The following GABRA2 variants were observed in gnomAD, a reference collection of about 807,000 sequenced individuals.
The protein encoded by GABRA2 is gamma-aminobutyric acid receptor subunit alpha-2.
GABRA2 carries 16 observed loss-of-function variants against 48.7 expected under a neutral mutation model. That is an observed-to-expected ratio of 0.33 (90% confidence interval 0.22 to 0.50). The LOEUF is 0.50. Ranked by LOEUF, GABRA2 falls within the 20% of genes least tolerant of loss-of-function variation. The pLI is 0.98. For synonymous variants in GABRA2, 185 were observed against 184.5 expected, an observed-to-expected ratio of 1.00 and a Z score of -0.02; for missense variants, 275 against 535.6, an observed-to-expected ratio of 0.51 and a Z score of 4.80.
At chr4:46,283,339 G>A (rs1721895002) in intron 8 of GABRA2, among the ~76,000 whole-genome samples, 1 of 152,026 alleles carries the variant, frequency 6.6e-6, no homozygotes, top group South Asian at 2.1e-4. Context: ...AGTATCAACA[G>A]CCATTGTAAC....
At position 46,312,681 on chromosome 4, in the gene GABRA2, C is replaced by T; in HGVS notation, c.291G>A (p.Trp97Ter). The T allele has an allele frequency of 6.6e-7, 1 of 1,518,824 alleles. No homozygotes were observed. Among genetic ancestry groups the T allele is most frequent in the Non-Finnish European group, 8.8e-7 (1 of 1,138,846 alleles). The allele number at this position is 1,518,824 out of a possible 1,614,324, so 94.1% of individuals were successfully genotyped here. The stretch of plus-strand genomic sequence containing the variant: ...CTTTAAATTTTAAACGTTCATCTTT[C>T]CATTTTTGTCGAAAGAAAACATCAA... ...YTIDVFFRQK[W>*]KDERLKFKGP... The change falls in exon 5 of 10, where the codon TGG (tryptophan) becomes TGA (stop). Residue 97 changes from tryptophan (W) to a stop codon, truncating the protein, a stop_gained. Transcript: ENST00000381620. LOFTEE classifies it high-confidence loss of function.
intron 3 of GABRA2, among the ~76,000 whole-genome samples, chr4:46,350,491 G>A (rs10805144): frequency 0.62 from 94,268 of 151,344 alleles, 30,061 homozygotes; most frequent in African/African-American, 0.76. Flanking sequence ...ACATATATTT[G>A]TATATATATA....
intron 3 of GABRA2, among the ~76,000 whole-genome samples, chr4:46,375,265 T>C (rs1715520665): frequency 6.6e-6 from 1 of 152,198 alleles, no homozygotes; most frequent in Non-Finnish European, 1.5e-5. Context: ...TATAATACCT[T>C]ATTTGTAAAT....
At position 46,323,587 on chromosome 4, in the gene GABRA2, C is replaced by T. The variant is rs1173984453; in HGVS notation, c.255+9028G>A. Among the ~76,000 whole-genome samples the T allele has an allele frequency of 2.0e-5, 3 of 151,886 alleles. No homozygotes were observed. The East Asian group carries it at 5.8e-4, about 30-fold the overall frequency. On this transcript the variant is annotated intron_variant, in intron 4 of 9. Coordinates refer to ENST00000381620, the MANE Select transcript of GABRA2 (RefSeq NM_000807.4). Reference sequence around the variant, plus strand: ...AGGGCTACACTTACTTATTTCAGTTCCTAACAGGGTGAGAAGCACTGAGTG... The same window carrying T: ...AGGGCTACACTTACTTATTTCAGTTTCTAACAGGGTGAGAAGCACTGAGTG...
chr4:46,279,214 A>G (rs1039133784), intron 8 of GABRA2, among the ~76,000 whole-genome samples: 2 of 152,100 alleles, frequency 1.3e-5, no homozygotes, highest in African/African-American at 2.4e-5. Context: ...CTGATTTCCT[A>G]TGGCTAACTA....
chr4:46,344,182 G>T (rs1478721979), intron 3 of GABRA2, among the ~76,000 whole-genome samples: 4 of 151,912 alleles, frequency 2.6e-5, no homozygotes, highest in African/African-American at 7.2e-5. Flanking sequence ...AGGAAATTAG[G>T]CTAGAAAATA....
At chr4:46,251,435 A>T (rs1248312188) in intron 9 of GABRA2, among the ~76,000 whole-genome samples, 2 of 151,404 alleles carry the variant, frequency 1.3e-5, no homozygotes, top group African/African-American at 4.8e-5. Context: ...CTCATTACTT[A>T]CTGGCTCCCC....
chr4:46,274,010 G>C (rs911618523), intron 8 of GABRA2, among the ~76,000 whole-genome samples: 8 of 152,042 alleles, frequency 5.3e-5, no homozygotes, highest in Admixed American at 5.2e-4. Context: ...ATAGCTATAA[G>C]CGGGGGGGCA....
chr4:46,337,143 A>G (rs1256355696), intron 3 of GABRA2, among the ~76,000 whole-genome samples: 1 of 152,098 alleles, frequency 6.6e-6, no homozygotes, highest in African/African-American at 2.4e-5. Context: ...AACATAATAG[A>G]AAAAAAGCAT....
At chr4:46,268,926 A>G (rs773266769) in intron 8 of GABRA2, among the ~76,000 whole-genome samples, 1 of 151,932 alleles carries the variant, frequency 6.6e-6, no homozygotes, top group Non-Finnish European at 1.5e-5. Context: ...GCTGAGTTAA[A>G]TAAGTCAAAC....
At chr4:46,317,619 A>G (rs943079466) in intron 4 of GABRA2, among the ~76,000 whole-genome samples, 2 of 151,744 alleles carry the variant, frequency 1.3e-5, no homozygotes, top group African/African-American at 4.8e-5. Context: ...GCTCTAATGA[A>G]AATAGGCAAT....
At chr4:46,350,473 T>C (rs1010775303) in intron 3 of GABRA2, among the ~76,000 whole-genome samples, 1 of 151,844 alleles carries the variant, frequency 6.6e-6, no homozygotes, top group African/African-American at 2.4e-5. Flanking sequence ...TTCTATATCA[T>C]ACATCATACA....
At chr4:46,329,934 G>A (rs956954577) in intron 4 of GABRA2, among the ~76,000 whole-genome samples, 1 of 152,148 alleles carries the variant, frequency 6.6e-6, no homozygotes, top group Non-Finnish European at 1.5e-5. Flanking sequence ...TAAGGGAAAT[G>A]TATTATTAGG....
chr4:46,272,585 C>T (rs1577852099), intron 8 of GABRA2, among the ~76,000 whole-genome samples: 1 of 151,924 alleles, frequency 6.6e-6, no homozygotes, highest in Non-Finnish European at 1.5e-5. Context: ...TTTAAGATGA[C>T]TTATAATAGA....
intron 4 of GABRA2, among the ~76,000 whole-genome samples, chr4:46,327,090 A>T (rs1035971539): frequency 2.6e-5 from 4 of 151,996 alleles, no homozygotes; most frequent in Admixed American, 2.0e-4. Flanking sequence ...AGTAAAACAG[A>T]TTTCTAACTA....
At chr4:46,365,262 C>G (rs550226948) in intron 3 of GABRA2, 7 of 152,146 alleles carry the variant, frequency 4.6e-5, no homozygotes, top group African/African-American at 1.7e-4. Flanking sequence ...TCATTTAATT[C>G]TAGTGTATGA....
intron 9 of GABRA2, 170 bp downstream of exon 9, chr4:46,261,756 A>G (rs1277388047): frequency 9.2e-6 from 6 of 650,396 alleles, no homozygotes; most frequent in East Asian, 8.1e-5. Flanking sequence ...TATTAGTACT[A>G]CAAGAACTCC....
rs1371592445 is a variant in GABRA2 at position 46,244,987 on chromosome 4, T to A, written c.*5321A>T. ...AAAAGGCATGAATATAAATTTGAAT[T>A]AAAGCAAAGAAAAAACACAGGTTTT... On this transcript the variant is annotated 3_prime_UTR_variant, in exon 10 of 10. Transcript: ENST00000381620. Among the ~76,000 whole-genome samples, 1 of 151,444 alleles carries A rather than the reference T, an allele frequency of 6.6e-6. No homozygotes were observed. The highest frequency in any genetic ancestry group is 1.5e-5 in the Non-Finnish European group (1 of 67,576).
At chr4:46,265,355 C>CTG (rs67846908) in intron 8 of GABRA2, among the ~76,000 whole-genome samples, 30,961 of 137,310 alleles carry the variant, frequency 0.23, 3,745 homozygotes, top group Middle Eastern at 0.31. Context: ...ATATATGTAT[C>CTG]TGTGTGTGTG....
Sources: allele counts gnomAD v4.1 joint callset (sites outside exome capture counted in the v4.1 genomes callset), GRCh38; gene constraint gnomAD v4.1.1; transcripts MANE v1.5; gene names NCBI Gene and HGNC (gene_info 2026-07-23, HGNC 2026-07-21).